Variants in CPQ observed in about 807,000 individuals in gnomAD.
CPQ encodes carboxypeptidase Q, also known as Ser-Met dipeptidase.
Under a neutral mutation model 45.7 loss-of-function variants are expected in CPQ, and 37 were observed. That is an observed-to-expected ratio of 0.81 (90% confidence interval 0.62 to 1.07). The LOEUF (loss-of-function observed/expected upper bound fraction) is 1.07. Among genes scored for constraint, CPQ ranks in the 50% least tolerant of loss-of-function variants. The pLI, the probability that CPQ is intolerant of heterozygous loss-of-function variation, is 0.00. For synonymous variants in CPQ, 186 were observed against 205.8 expected, an observed-to-expected ratio of 0.90 and a Z score of 0.82; for missense variants, 537 against 572.9, an observed-to-expected ratio of 0.94 and a Z score of 0.64.
chr8:96,881,184 A>G (rs950135422), intron 4 of CPQ, among the ~76,000 whole-genome samples: 1 of 152,224 alleles, frequency 6.6e-6, no homozygotes. Flanking sequence ...TCACATTGCT[A>G]TAAAGAAATA....
intron 2 of CPQ, among the ~76,000 whole-genome samples, chr8:96,813,740 A>G (rs1427676385): frequency 6.6e-6 from 1 of 152,124 alleles, no homozygotes; most frequent in Non-Finnish European, 1.5e-5. Context: ...CCTAGGACTC[A>G]TAACGCCTGG....
intron 4 of CPQ, among the ~76,000 whole-genome samples, chr8:96,884,029 G>A (rs1027989654): frequency 2.8e-4 from 43 of 152,126 alleles, no homozygotes; most frequent in Admixed American, 4.6e-4. Context: ...TGCCCTTTTA[G>A]AATACCAATT....
intron 2 of CPQ, among the ~76,000 whole-genome samples, chr8:96,786,142 C>T (rs1810766044): frequency 6.6e-6 from 1 of 152,106 alleles, no homozygotes; most frequent in South Asian, 2.1e-4. Context: ...TTCATCACCA[C>T]AAAAAGAAAC....
rs182231208 is a variant in CPQ, at chr8:96,885,723, T to C, written c.849+5718T>C. Among the ~76,000 whole-genome samples the C allele has an allele frequency of 3.8e-3, 572 of 152,230 alleles. 4 individuals carry two copies. Among genetic ancestry groups the C allele is most frequent in the African/African-American group, 0.012 (518 of 41,534 alleles). ...TAAAAAGATGCCAATAGGCCAGGCG[T>C]GGTGGCTCACGCCTGTAATCTCAGG... On this transcript the variant is annotated intron_variant, in intron 4 of 7. Coordinates refer to ENST00000220763, the MANE Select transcript of CPQ (RefSeq NM_016134.4).
intron 1 of CPQ, among the ~76,000 whole-genome samples, chr8:96,753,595 A>G (rs1810290604): frequency 7.2e-6 from 1 of 139,272 alleles, no homozygotes; most frequent in East Asian, 1.9e-4. Context: ...CCCTCATTAC[A>G]TTTTCTAATT....
intron 5 of CPQ, among the ~76,000 whole-genome samples, chr8:97,018,325 G>A (rs534683825): frequency 7.9e-5 from 12 of 152,188 alleles, no homozygotes; most frequent in South Asian, 2.1e-4. Context: ...ACAAAACAGC[G>A]TTCTTTAACA....
rs886527705 is a variant in CPQ at position 96,797,208 on chromosome 8, CA to C, written c.433+11884del. 4.7e-4 allele frequency among the ~76,000 whole-genome samples: 72 copies of C among 152,194 alleles called. 4 individuals are homozygous for C. The highest frequency in any genetic ancestry group is 4.6e-4 in the Non-Finnish European group (31 of 67,994). On this transcript the variant is annotated intron_variant, in intron 2 of 7. Coordinates refer to ENST00000220763, the MANE Select transcript of CPQ (RefSeq NM_016134.4). ...CTGCTTTCCAGATCTTGTTCAAGTG[CA>C]AAAAATTGGTGACACTTAAATTACT...
At position 97,066,013 on chromosome 8, in the gene CPQ, A is replaced by C; in HGVS notation, c.1058A>C (p.Asn353Thr). The change falls in exon 7 of 8, where the codon AAT (asparagine) becomes ACT (threonine). Residue 353 changes from asparagine (N) to threonine (T), a missense_variant. By Grantham distance (65) the Asn-to-Thr change is moderately conservative. Transcript: ENST00000220763. ...ACAATTTTCTCTTGTGTTTAGGTAA[A>C]TATTTCCAACTACAGTCTGGTGATG... ...AFQYYQLHKV[N>T]ISNYSLVMES... The C allele has an allele frequency of 6.2e-7, 1 of 1,610,236 alleles. No homozygotes were observed. The highest frequency in any genetic ancestry group is 8.5e-7 in the Non-Finnish European group (1 of 1,179,234).
intron 3 of CPQ, among the ~76,000 whole-genome samples, chr8:96,859,696 C>T (rs1362375456): frequency 6.6e-6 from 1 of 152,062 alleles, no homozygotes; most frequent in African/African-American, 2.4e-5. Context: ...GCATGTTGGC[C>T]TGCCATGAAC....
intron 4 of CPQ, among the ~76,000 whole-genome samples, chr8:96,938,449 T>C (rs1457329184): frequency 6.6e-6 from 1 of 152,080 alleles, no homozygotes; most frequent in East Asian, 1.9e-4. Context: ...TTTAGTTTAA[T>C]AAAGGGACTA....
intron 5 of CPQ, among the ~76,000 whole-genome samples, chr8:97,018,940 T>A (rs1364925417): frequency 6.6e-6 from 1 of 152,122 alleles, no homozygotes; most frequent in East Asian, 1.9e-4. Context: ...TCAGGTTATC[T>A]AAAGTTAAGA....
chr8:96,851,678 A>G (rs1265934876), intron 3 of CPQ, among the ~76,000 whole-genome samples: 2 of 152,218 alleles, frequency 1.3e-5, no homozygotes, highest in Non-Finnish European at 2.9e-5. Context: ...ATTGGCCATT[A>G]TAAGTGTCAA....
intron 1 of CPQ, among the ~76,000 whole-genome samples, chr8:96,739,464 A>C (rs1467127646): frequency 1.0e-5 from 1 of 97,088 alleles, no homozygotes; most frequent in African/African-American, 4.0e-5. Flanking sequence ...TCTTTAGTTT[A>C]ATTAGATCCC....
At chr8:96,790,199 G>T (rs1046149262) in intron 2 of CPQ, among the ~76,000 whole-genome samples, 2 of 152,098 alleles carry the variant, frequency 1.3e-5, no homozygotes, top group Non-Finnish European at 2.9e-5. Context: ...TCATCCTTAT[G>T]GCTTCTCTCT....
chr8:96,868,878 A>G (rs2130872568), intron 3 of CPQ, among the ~76,000 whole-genome samples: 1 of 152,080 alleles, frequency 6.6e-6, no homozygotes, highest in Admixed American at 6.6e-5. Flanking sequence ...AATTTATACT[A>G]CAATTTCCTT....
At chr8:96,971,376 T>A (rs914323787) in intron 5 of CPQ, among the ~76,000 whole-genome samples, 1 of 152,262 alleles carries the variant, frequency 6.6e-6, no homozygotes, top group African/African-American at 2.4e-5. Context: ...TATCTGAGTC[T>A]ATTTTTTCAA....
intron 2 of CPQ, among the ~76,000 whole-genome samples, chr8:96,817,599 C>T (rs529428096): frequency 1.1e-4 from 16 of 151,484 alleles, no homozygotes; most frequent in African/African-American, 2.7e-4. Flanking sequence ...CTCACGTGTT[C>T]GCTGGACTAG....
intron 3 of CPQ, among the ~76,000 whole-genome samples, chr8:96,846,116 C>T (rs1811685821): frequency 6.6e-6 from 1 of 152,208 alleles, no homozygotes; most frequent in Non-Finnish European, 1.5e-5. Context: ...CGGCGCCCAG[C>T]CTCCTAACTT....
At chr8:96,783,829 A>G (rs1810722232) in intron 1 of CPQ, among the ~76,000 whole-genome samples, 1 of 152,168 alleles carries the variant, frequency 6.6e-6, no homozygotes, top group Admixed American at 6.6e-5. Flanking sequence ...AATTGAAGTG[A>G]CCATATGAGA....
Sources: gnomAD v4.1 joint callset for allele counts (sites outside exome capture counted in the v4.1 genomes callset) on GRCh38, gnomAD v4.1.1 for gene constraint, MANE v1.5 for transcripts, NCBI Gene and HGNC (gene_info 2026-07-23, HGNC 2026-07-21) for gene names.